Variants in KALRN observed in about 807,000 individuals in gnomAD.
KALRN encodes the protein kalirin.
KALRN carries 70 observed loss-of-function variants against 353.7 expected under a neutral mutation model. The ratio of observed to expected loss-of-function variants is 0.20; its 90% CI spans 0.16 to 0.24. The LOEUF (loss-of-function observed/expected upper bound fraction) is 0.24. Among genes scored for constraint, KALRN ranks in the 10% least tolerant of loss-of-function variants. The pLI is 1.00. For synonymous variants in KALRN, 1,391 were observed against 1,434.8 expected, an observed-to-expected ratio of 0.97 and a Z score of 0.69; for missense variants, 2,791 against 3,756.7, an observed-to-expected ratio of 0.74 and a Z score of 6.72.
At chr3:124,116,547 C>G (rs541314331) in intron 1 of KALRN, among the ~76,000 whole-genome samples, 1 of 152,228 alleles carries the variant, frequency 6.6e-6, no homozygotes, top group South Asian at 2.1e-4. Flanking sequence ...AGTCTTGTAT[C>G]CTTTCCTCTC....
At chr3:124,379,545 C>T (rs2087037650) in intron 10 of KALRN, among the ~76,000 whole-genome samples, 2 of 152,224 alleles carry the variant, frequency 1.3e-5, no homozygotes, top group South Asian at 2.1e-4. Context: ...AGGTCGTTCT[C>T]TTAAAATGTA....
At chr3:124,557,267 G>C (rs146878577) in intron 33 of KALRN, among the ~76,000 whole-genome samples, 81 of 152,218 alleles carry the variant, frequency 5.3e-4, no homozygotes, top group African/African-American at 1.9e-3. Context: ...ATTGGGGCAG[G>C]GGGGCGGTGA....
At chr3:124,364,327 A>G (rs2084393449) in intron 10 of KALRN, among the ~76,000 whole-genome samples, 1 of 152,196 alleles carries the variant, frequency 6.6e-6, no homozygotes, top group African/African-American at 2.4e-5. Flanking sequence ...AATTAGCTGA[A>G]TGATGGGATG....
chr3:124,432,109 G>T (rs2093300670), intron 16 of KALRN, among the ~76,000 whole-genome samples: 1 of 152,072 alleles, frequency 6.6e-6, no homozygotes, highest in Non-Finnish European at 1.5e-5. Context: ...TCAGGATTGG[G>T]GTTATAATCA....
chr3:124,461,854 C>A (rs369317790), intron 23 of KALRN, 36 bp from the exon 24 acceptor site: 174 of 1,484,780 alleles, frequency 1.2e-4, no homozygotes, highest in Non-Finnish European at 1.4e-4. Context: ...GACATTATAT[C>A]TATATCCAAG....
intron 51 of KALRN, among the ~76,000 whole-genome samples, chr3:124,685,627 T>G (rs1178531149): frequency 6.6e-6 from 1 of 152,232 alleles, no homozygotes; most frequent in Non-Finnish European, 1.5e-5. Flanking sequence ...CTTCAACAAC[T>G]TTTCAAATCT....
At position 124,495,982 on chromosome 3, in the gene KALRN, T is replaced by TATACAC. The variant is rs2063737885; in HGVS notation, c.4833-326_4833-325insCACATA. ...GTATGTATGTATATATATATATATA[T>TATACAC]ATATATATATATATATATATATATA... On this transcript the variant is annotated intron_variant, in intron 32 of 59. Transcript: ENST00000682506. Among the ~76,000 whole-genome samples, 13 of 45,326 alleles carry TATACAC rather than the reference T, an allele frequency of 2.9e-4. 1 individual carries two copies. The highest frequency in any genetic ancestry group is 1.7e-3 in the African/African-American group (12 of 7,022). The allele number at this position is 45,326 out of a possible 152,430, so 29.7% of individuals were successfully genotyped here. A position where few individuals can be genotyped will look rare whatever the true frequency, so the allele number is the denominator to read the frequency against.
chr3:124,291,002 C>A (rs2076374523), intron 5 of KALRN, among the ~76,000 whole-genome samples: 1 of 152,180 alleles, frequency 6.6e-6, no homozygotes, highest in South Asian at 2.1e-4. Flanking sequence ...TCTTAGGTCC[C>A]ACTAAACACT....
chr3:124,663,776 G>A (rs2085201277), intron 45 of KALRN, among the ~76,000 whole-genome samples: 1 of 152,070 alleles, frequency 6.6e-6, no homozygotes, highest in African/African-American at 2.4e-5. Flanking sequence ...AAACTAGAAT[G>A]AAATAGATAC....
chr3:124,508,871 T>A (rs879775938), intron 33 of KALRN, among the ~76,000 whole-genome samples: 6 of 152,234 alleles, frequency 3.9e-5, no homozygotes, highest in Non-Finnish European at 7.3e-5. Context: ...TATTGATATC[T>A]ACTTATGGCT....
intron 10 of KALRN, among the ~76,000 whole-genome samples, chr3:124,367,536 A>C (rs1484751058): frequency 1.2e-5 from 1 of 85,328 alleles, no homozygotes; most frequent in Non-Finnish European, 2.3e-5. Context: ...TCCCTCCCGG[A>C]CGGGGCGGCT....
Position 124,671,810 on chromosome 3 carries a change from C to T in KALRN, c.6854C>T (p.Pro2285Leu). 1.9e-6 allele frequency: 3 copies of T among 1,614,230 alleles called. No individual in the cohort carries two copies. Among genetic ancestry groups the T allele is most frequent in the South Asian group, 1.1e-5 (1 of 91,088 alleles). Reference sequence around the variant, plus strand: ...CCCCCAAAGGGCTCCAGCTATAACCCACCTCTGCCTCCCCTGAAGATATCT... The same window carrying T: ...CCCCCAAAGGGCTCCAGCTATAACCTACCTCTGCCTCCCCTGAAGATATCT... ...EKPPKGSSYNPPLPPLKISTS... is the reference protein window; with the variant it reads ...EKPPKGSSYNLPLPPLKISTS... Residue 2285 changes from proline (P) to leucine (L), a missense_variant, in exon 48 of 60, where the codon CCA (proline) becomes CTA (leucine). Pro to Leu is a moderately conservative substitution (Grantham distance 98, BLOSUM62 -3). This residue lies in a region of KALRN where 1,065 missense variants were observed against 1,156.4 expected (regional missense o/e 0.92). Transcript: ENST00000682506.
At chr3:124,541,360 G>C (rs954871317) in intron 33 of KALRN, among the ~76,000 whole-genome samples, 1 of 151,928 alleles carries the variant, frequency 6.6e-6, no homozygotes. Flanking sequence ...TGAGGCAGGA[G>C]GATTGCTTGA....
chr3:124,361,712 A>G (rs2084051621), intron 10 of KALRN, among the ~76,000 whole-genome samples: 1 of 151,882 alleles, frequency 6.6e-6, no homozygotes, highest in South Asian at 2.1e-4. Context: ...AAGCCTTTCC[A>G]GTTCCTCATT....
intron 1 of KALRN, among the ~76,000 whole-genome samples, chr3:124,190,072 A>G (rs551524726): frequency 4.9e-4 from 75 of 152,310 alleles, no homozygotes; most frequent in African/African-American, 1.6e-3. Flanking sequence ...TGAAGAATGT[A>G]GGAAATGAGA....
intron 4 of KALRN, among the ~76,000 whole-genome samples, chr3:124,265,465 G>A (rs1203458757): frequency 1.3e-5 from 2 of 150,856 alleles, no homozygotes; most frequent in Non-Finnish European, 3.0e-5. Flanking sequence ...GCTAATTTTT[G>A]TGTTTTTAGT....
intron 25 of KALRN, among the ~76,000 whole-genome samples, chr3:124,467,376 C>G (rs563923917): frequency 6.6e-6 from 1 of 152,312 alleles, no homozygotes; most frequent in East Asian, 1.9e-4. Context: ...CCAGCCTCTG[C>G]CCTCTGGGTT....
intron 27 of KALRN, among the ~76,000 whole-genome samples, chr3:124,479,447 T>C (rs998082995): frequency 3.5e-4 from 53 of 152,092 alleles, no homozygotes; most frequent in African/African-American, 1.3e-3. Flanking sequence ...ATCAGAAGAG[T>C]TTCCCTAACT....
chr3:124,191,908 A>G (rs1199327469), intron 1 of KALRN, among the ~76,000 whole-genome samples: 1 of 152,204 alleles, frequency 6.6e-6, no homozygotes, highest in Non-Finnish European at 1.5e-5. Context: ...CTGTCTTTTA[A>G]TGGGAGGACT....
Sources: allele counts gnomAD v4.1 joint callset (sites outside exome capture counted in the v4.1 genomes callset), GRCh38; gene constraint gnomAD v4.1.1; regional missense constraint gnomAD v4.1.1; transcripts MANE v1.5; gene names NCBI Gene and HGNC (gene_info 2026-07-23, HGNC 2026-07-21).